The following GLI2 variants were observed in gnomAD, a reference collection of about 807,000 sequenced individuals.
The protein encoded by GLI2 is GLI family zinc finger 2, also known as transcription activator GLI2.
In GLI2, 22 loss-of-function variants were observed where a neutral mutation model predicts 78.9. That is an observed-to-expected ratio of 0.28 (90% CI 0.20 to 0.40). The LOEUF is 0.40. Ranked by LOEUF, GLI2 falls within the 10% of genes least tolerant of loss-of-function variation. GLI2 has a pLI of 1.00. For missense variants in GLI2, 2,097 were observed against 2,213.2 expected (o/e 0.95, Z 1.05); for synonymous variants, 974 against 963.7 (o/e 1.01, Z -0.20).
At position 120,989,265 on chromosome 2, in the gene GLI2, G is replaced by A. The variant is rs1487916531; in HGVS notation, c.3300G>A (p.Val1100=). The change falls in exon 14 of 14, where the codon GTG becomes GTA. Residue 1100 remains valine, a synonymous_variant. Transcript: ENST00000361492. The part of the protein sequence containing the change: ...QRRMVAADSN[V]GPSAPMLGGC... Reference sequence around the variant, plus strand: ...GGATGGTGGCTGCGGACTCCAACGTGGGCCCCTCCGCCCCTATGCTGGGAG... The same window carrying A: ...GGATGGTGGCTGCGGACTCCAACGTAGGCCCCTCCGCCCCTATGCTGGGAG... 3 of 1,612,998 alleles carry A rather than the reference G, an allele frequency of 1.9e-6. No homozygotes were observed. The highest frequency in any genetic ancestry group is 2.7e-5 in the African/African-American group (2 of 74,936).
chr2:120,899,024 C>T (rs1196474641), intron 2 of GLI2, among the ~76,000 whole-genome samples: 1 of 152,158 alleles, frequency 6.6e-6, no homozygotes, highest in Non-Finnish European at 1.5e-5. Context: ...TTCCTCTACT[C>T]CCTCCGGGAG....
chr2:120,753,123 C>T (rs1682927721), intron 1 of GLI2, among the ~76,000 whole-genome samples: 1 of 117,686 alleles, frequency 8.5e-6, no homozygotes, highest in Non-Finnish European at 1.6e-5. Context: ...GAGACAGAGT[C>T]TCGCTCTGTT....
chr2:120,869,116 G>A (rs1196982468), intron 2 of GLI2, among the ~76,000 whole-genome samples: 5 of 115,346 alleles, frequency 4.3e-5, no homozygotes, highest in Admixed American at 1.9e-4. Context: ...TTTTGGCAGG[G>A]AGGTCACAGA....
At chr2:120,748,449 G>A (rs975165549) in intron 1 of GLI2, among the ~76,000 whole-genome samples, 1 of 152,176 alleles carries the variant, frequency 6.6e-6, no homozygotes, top group Non-Finnish European at 1.5e-5. Flanking sequence ...GGTTGGGGAA[G>A]GAAGGGCAAT....
chr2:120,834,043 G>A (rs1454052018), intron 2 of GLI2, among the ~76,000 whole-genome samples: 1 of 152,172 alleles, frequency 6.6e-6, no homozygotes, highest in East Asian at 1.9e-4. Context: ...CTCTGGGGGT[G>A]CTCAGTCCCC....
rs529007051 is a variant in GLI2 at position 120,980,834 on chromosome 2, A to T, written c.1468-1882A>T. On this transcript the variant is annotated intron_variant, in intron 10 of 13. Transcript: ENST00000361492. Reference sequence around the variant, plus strand: ...AAAAAGAATATATGTGTGTATAGAGAGTTTTATAATATAGCTCTTCCATTG... The same window carrying T: ...AAAAAGAATATATGTGTGTATAGAGTGTTTTATAATATAGCTCTTCCATTG... Among the ~76,000 whole-genome samples, 3 of 152,218 alleles carry T rather than the reference A, an allele frequency of 2.0e-5. No homozygotes were observed. The South Asian group carries it at 6.2e-4, about 32-fold the overall frequency.
chr2:120,910,970 C>A (rs1329296375), intron 2 of GLI2, among the ~76,000 whole-genome samples: 2 of 152,232 alleles, frequency 1.3e-5, no homozygotes, highest in African/African-American at 4.8e-5. Context: ...TTACCAGGGC[C>A]TGGGTCACAG....
At chr2:120,854,214 T>A (rs1224447277) in intron 2 of GLI2, among the ~76,000 whole-genome samples, 1 of 152,190 alleles carries the variant, frequency 6.6e-6, no homozygotes, top group Non-Finnish European at 1.5e-5. Context: ...AGGTGACTCC[T>A]GAGCTGAGTC....
chr2:120,845,623 G>A (rs953133165), intron 2 of GLI2, among the ~76,000 whole-genome samples: 2 of 152,156 alleles, frequency 1.3e-5, no homozygotes, highest in Admixed American at 6.5e-5. Flanking sequence ...CACAGCAGTC[G>A]GGAGCCCCGG....
chr2:120,876,110 G>C (rs1688724581), intron 2 of GLI2, among the ~76,000 whole-genome samples: 1 of 152,230 alleles, frequency 6.6e-6, no homozygotes, highest in Non-Finnish European at 1.5e-5. Context: ...GGGAGGCCTA[G>C]GCGGGCAGAT....
intron 2 of GLI2, among the ~76,000 whole-genome samples, chr2:120,868,549 A>G (rs1688267924): frequency 6.6e-6 from 1 of 152,176 alleles, no homozygotes; most frequent in South Asian, 2.1e-4. Flanking sequence ...CAGGGAAGGA[A>G]CAGGCAGGGG....
At chr2:120,775,070 G>A (rs1270219830) in intron 1 of GLI2, among the ~76,000 whole-genome samples, 2 of 152,162 alleles carry the variant, frequency 1.3e-5, no homozygotes, top group African/African-American at 4.8e-5. Flanking sequence ...TGCCAGGACT[G>A]GTCGACATAG....
intron 1 of GLI2, among the ~76,000 whole-genome samples, chr2:120,788,003 G>A (rs1400821938): frequency 6.6e-6 from 1 of 152,218 alleles, no homozygotes. Flanking sequence ...TGTTGGTGGG[G>A]CAGCCTCCAG....
At chr2:120,748,817 T>G (rs1682772606) in intron 1 of GLI2, among the ~76,000 whole-genome samples, 1 of 152,124 alleles carries the variant, frequency 6.6e-6, no homozygotes, top group Non-Finnish European at 1.5e-5. Flanking sequence ...CAGTCAAGAT[T>G]ATAGGTTGAG....
intron 6 of GLI2, 93 bp downstream of exon 6, chr2:120,969,008 C>G: frequency 1.1e-6 from 1 of 909,580 alleles, no homozygotes; most frequent in Non-Finnish European, 1.8e-6. Context: ...GCTTTTGACC[C>G]GAGGAGAAAG....
intron 5 of GLI2, among the ~76,000 whole-genome samples, chr2:120,960,594 A>G (rs1470743935): frequency 6.6e-6 from 1 of 152,240 alleles, no homozygotes; most frequent in African/African-American, 2.4e-5. Flanking sequence ...TCTGAAATGG[A>G]AAACCTAATC....
At chr2:120,823,731 C>A (rs1426966798) in intron 2 of GLI2, among the ~76,000 whole-genome samples, 2 of 152,132 alleles carry the variant, frequency 1.3e-5, no homozygotes, top group African/African-American at 2.4e-5. Context: ...AGGGTGGAGT[C>A]CCGGGGATGT....
At chr2:120,959,502 C>T (rs113854809) in intron 5 of GLI2, among the ~76,000 whole-genome samples, 44 of 152,204 alleles carry the variant, frequency 2.9e-4, no homozygotes, top group Non-Finnish European at 5.3e-4. Context: ...TTTTCCAAAA[C>T]CAGTTTCAAC....
In GLI2 at chr2:120,766,851, A is replaced by T. The variant is rs139158346; in HGVS notation, c.-30-30440A>T. Among the ~76,000 whole-genome samples the T allele has an allele frequency of 1.8e-3, 280 of 152,286 alleles. 3 individuals carry two copies. Among genetic ancestry groups the T allele is most frequent in the African/African-American group, 6.6e-3 (274 of 41,574 alleles). Reference sequence around the variant, plus strand: ...TTAAGAGTTCAGTGAAATTCCTGGGAAAAATTCCAGAGGCTGTACTTAGGG... The same window carrying T: ...TTAAGAGTTCAGTGAAATTCCTGGGTAAAATTCCAGAGGCTGTACTTAGGG... On this transcript the variant is annotated intron_variant, in intron 1 of 13. Transcript: ENST00000361492.
Sources: allele counts gnomAD v4.1 joint callset (sites outside exome capture counted in the v4.1 genomes callset), GRCh38; gene constraint gnomAD v4.1.1; transcripts MANE v1.5; gene names NCBI Gene and HGNC (gene_info 2026-07-23, HGNC 2026-07-21).